The following TYW1 variants were observed in gnomAD, a reference collection of about 807,000 sequenced individuals.
TYW1 encodes the protein tRNA-yW synthesizing protein 1 homolog.
In TYW1, 46 loss-of-function variants were observed where a neutral mutation model predicts 96.2. The observed-to-expected ratio is 0.48, with a 90% CI of 0.38 to 0.61. TYW1 has a LOEUF of 0.61. Ranked by LOEUF, TYW1 falls within the 20% of genes least tolerant of loss-of-function variation. The probability of loss-of-function intolerance (pLI) is 0.00; values close to 1 mark genes in which losing one functional copy is unlikely to be tolerated. For synonymous variants in TYW1, 274 were observed against 323.0 expected, an observed-to-expected ratio of 0.85 and a Z score of 1.63; for missense variants, 684 against 909.6, an observed-to-expected ratio of 0.75 and a Z score of 3.19.
At chr7:67,111,910 A>T (rs1266828440) in intron 12 of TYW1, among the ~76,000 whole-genome samples, 1 of 152,066 alleles carries the variant, frequency 6.6e-6, no homozygotes, top group Non-Finnish European at 1.5e-5. Flanking sequence ...CAGCCTGGCC[A>T]ACGTGGCGAA....
rs34723740 is a variant in TYW1 at position 67,148,425 on chromosome 7, AT to A, written c.1698+30827del. Reference sequence around the variant, plus strand: ...ACTTAACAAGGTTTACTTGAAAGTGATTTTTTTTTTTTTTTTTTTTGAGATG... The same window carrying A: ...ACTTAACAAGGTTTACTTGAAAGTGATTTTTTTTTTTTTTTTTTTGAGATG... On this transcript the variant is annotated intron_variant, in intron 13 of 15. Transcript: ENST00000359626. 1.3e-3 allele frequency among the ~76,000 whole-genome samples: 141 copies of A among 109,374 alleles called. 1 individual carries two copies. Among genetic ancestry groups the A allele is most frequent in the East Asian group, 0.011 (44 of 4,186 alleles). The allele number at this position is 109,374 out of a possible 152,430, so 71.8% of individuals were successfully genotyped here.
intron 6 of TYW1, among the ~76,000 whole-genome samples, chr7:67,018,464 C>T (rs1794104085): frequency 6.6e-6 from 1 of 151,688 alleles, no homozygotes; most frequent in Non-Finnish European, 1.5e-5. Context: ...TTGCTTGAGC[C>T]CAGGAGTTTG....
At chr7:67,099,048 C>T (rs113083702) in intron 12 of TYW1, among the ~76,000 whole-genome samples, 19 of 147,912 alleles carry the variant, frequency 1.3e-4, no homozygotes, top group African/African-American at 2.0e-4. Flanking sequence ...TTTTTTGAGT[C>T]GGAGTCTCAC....
At chr7:67,009,542 T>C (rs1793717648) in intron 3 of TYW1, 41 bp from the exon 4 acceptor site, 1 of 1,582,740 alleles carries the variant, frequency 6.3e-7, no homozygotes, top group Non-Finnish European at 8.6e-7. Flanking sequence ...TATATTTGGC[T>C]CATTGAAGAC....
chr7:67,231,992 G>C (rs1801765648), intron 15 of TYW1, among the ~76,000 whole-genome samples: 1 of 152,134 alleles, frequency 6.6e-6, no homozygotes, highest in African/African-American at 2.4e-5. Context: ...CACTTTGGGA[G>C]GCCTAGGCAG....
chr7:67,000,807 G>GA (rs1793357016), intron 3 of TYW1, among the ~76,000 whole-genome samples: 1 of 152,104 alleles, frequency 6.6e-6, no homozygotes, highest in Non-Finnish European at 1.5e-5. Context: ...TAAATTAGAG[G>GA]AAAAATCAAG....
At chr7:67,005,651 G>T (rs1044024969) in intron 3 of TYW1, among the ~76,000 whole-genome samples, 2 of 152,132 alleles carry the variant, frequency 1.3e-5, no homozygotes, top group African/African-American at 4.8e-5. Context: ...TAGCAAAATG[G>T]ACTAAGACAG....
At position 67,235,666 on chromosome 7, in the gene TYW1, C is replaced by T. The variant is rs182132502; in HGVS notation, c.1978-2642C>T. Among the ~76,000 whole-genome samples the T allele has an allele frequency of 1.3e-4, 20 of 152,022 alleles. No individual in the cohort carries two copies. The East Asian group carries it at 1.9e-3, about 15-fold the overall frequency. Reference sequence around the variant, plus strand: ...CAGCACTTTGGGAGGCCGAGATGGGCGGATCACAAGGTCAGGAGATCGAGA... The same window carrying T: ...CAGCACTTTGGGAGGCCGAGATGGGTGGATCACAAGGTCAGGAGATCGAGA... On this transcript the variant is annotated intron_variant, in intron 15 of 15. Transcript: ENST00000359626.
chr7:67,210,674 C>G (rs1047921079), intron 15 of TYW1, among the ~76,000 whole-genome samples: 2 of 140,332 alleles, frequency 1.4e-5, no homozygotes, highest in Non-Finnish European at 3.1e-5. Flanking sequence ...CATCCGTCAT[C>G]TGTCTATCCA....
At chr7:67,138,672 T>G (rs1254358667) in intron 13 of TYW1, among the ~76,000 whole-genome samples, 3 of 152,102 alleles carry the variant, frequency 2.0e-5, no homozygotes, top group Admixed American at 2.0e-4. Flanking sequence ...ACTGTCTGTC[T>G]CCATGAGTTG....
chr7:67,064,621 T>A (rs565119267), intron 9 of TYW1, among the ~76,000 whole-genome samples: 2 of 152,258 alleles, frequency 1.3e-5, no homozygotes, highest in South Asian at 4.1e-4. Context: ...AAACCCCTGA[T>A]AAACCCATCG....
chr7:67,172,875 T>C (rs1307944922), intron 13 of TYW1, among the ~76,000 whole-genome samples: 2 of 152,048 alleles, frequency 1.3e-5, no homozygotes, highest in Non-Finnish European at 2.9e-5. Flanking sequence ...ATCCCAGCAC[T>C]TTGGGAGTTC....
At chr7:67,097,408 G>GT (rs71223467) in intron 11 of TYW1, among the ~76,000 whole-genome samples, 4 of 152,022 alleles carry the variant, frequency 2.6e-5, no homozygotes, top group Non-Finnish European at 2.9e-5. Flanking sequence ...AGTATTTTTG[G>GT]TTTTTTTGGA....
chr7:67,064,947 G>A (rs765290160), intron 9 of TYW1, among the ~76,000 whole-genome samples: 1 of 152,188 alleles, frequency 6.6e-6, no homozygotes, highest in African/African-American at 2.4e-5. Flanking sequence ...AATTCAAAAT[G>A]GATCACAGAC....
At chr7:67,177,288 A>G (rs1799703409) in intron 13 of TYW1, among the ~76,000 whole-genome samples, 1 of 151,844 alleles carries the variant, frequency 6.6e-6, no homozygotes, top group Non-Finnish European at 1.5e-5. Context: ...GCTTATCTTC[A>G]TGCTCTTGAT....
Position 67,235,456 on chromosome 7 carries a change from T to C in TYW1, c.1978-2852T>C, listed in dbSNP as rs143332014. Among the ~76,000 whole-genome samples, 664 of 152,232 alleles carry C rather than the reference T, an allele frequency of 4.4e-3. 4 individuals are homozygous for C. Among genetic ancestry groups the C allele is most frequent in the African/African-American group, 0.015 (639 of 41,538 alleles). ...CACCCCAGGCTCAGTCAAGGGTGAGTGTCATGCCTCTGTCATGAATACACA... is the reference window on the plus strand; with the variant it reads ...CACCCCAGGCTCAGTCAAGGGTGAGCGTCATGCCTCTGTCATGAATACACA... On this transcript the variant is annotated intron_variant, in intron 15 of 15. Coordinates refer to ENST00000359626, the MANE Select transcript of TYW1 (RefSeq NM_018264.4).
intron 3 of TYW1, among the ~76,000 whole-genome samples, chr7:67,000,442 G>C (rs1584446881): frequency 1.3e-5 from 2 of 152,000 alleles, no homozygotes; most frequent in Admixed American, 1.3e-4. Flanking sequence ...GGGATTACAG[G>C]TGCCTGCCAT....
chr7:67,227,741 T>C (rs1371669345), intron 15 of TYW1, among the ~76,000 whole-genome samples: 3 of 151,976 alleles, frequency 2.0e-5, no homozygotes, highest in Admixed American at 2.0e-4. Context: ...ATTTCCAAGG[T>C]TGGCAGCACT....
chr7:67,187,149 C>T (rs867910895), intron 14 of TYW1, among the ~76,000 whole-genome samples: 24 of 150,418 alleles, frequency 1.6e-4, no homozygotes, highest in African/African-American at 5.6e-4. Flanking sequence ...CTGCAACCGC[C>T]GCCTCCTGGG....
Sources: allele counts gnomAD v4.1 joint callset (sites outside exome capture counted in the v4.1 genomes callset), GRCh38; gene constraint gnomAD v4.1.1; transcripts MANE v1.5; gene names NCBI Gene and HGNC (gene_info 2026-07-23, HGNC 2026-07-21).